USP12: variants seen among roughly 807,000 people sequenced by gnomAD.
USP12 encodes the protein ubiquitin specific peptidase 12, also known as ubiquitin carboxyl-terminal hydrolase 12.
Under a neutral mutation model 45.5 loss-of-function variants are expected in USP12, and 19 were observed. The observed-to-expected ratio is 0.42, with a 90% confidence interval of 0.29 to 0.61. USP12 has a LOEUF of 0.61. USP12 is among the 20% of genes least tolerant of loss of function. USP12 has a pLI of 0.22. For missense variants in USP12, 242 were observed against 447.7 expected, an observed-to-expected ratio of 0.54 and a Z score of 4.15; for synonymous variants, 149 against 148.8, an observed-to-expected ratio of 1.00 and a Z score of -0.01.
At position 27,129,205 on chromosome 13, in the gene USP12, AATATT is replaced by A. The variant is rs1346153128; in HGVS notation, c.49-12614_49-12610del. Among the ~76,000 whole-genome samples the A allele has an allele frequency of 1.3e-5, 2 of 149,722 alleles. No individual in the cohort carries two copies. The highest frequency in any genetic ancestry group is 4.9e-5 in the African/African-American group (2 of 41,056). On this transcript the variant is annotated intron_variant, in intron 1 of 8. Coordinates refer to ENST00000282344, the MANE Select transcript of USP12 (RefSeq NM_182488.4). This position sits in a 1 kb window ranked among gnomAD's most constrained non-coding sequence, Gnocchi z 4.0. The stretch of plus-strand genomic sequence containing the variant: ...CTTTCCGTGTCACTGAGACAACAGG[AATATT>A]ATATTAAACCACAGTTAAGTGGAAA...
At chr13:27,170,728 C>T (rs1003343775) in intron 1 of USP12, among the ~76,000 whole-genome samples, 16 of 152,214 alleles carry the variant, frequency 1.1e-4, no homozygotes, top group South Asian at 2.1e-4. Flanking sequence ...GCAGGCGGTC[C>T]CCGCACAGAC....
At chr13:27,142,206 A>G (rs1016055528) in intron 1 of USP12, among the ~76,000 whole-genome samples, 2 of 152,216 alleles carry the variant, frequency 1.3e-5, no homozygotes, top group African/African-American at 4.8e-5. Flanking sequence ...GGTCTGCTAA[A>G]AAATGTATAA....
chr13:27,139,707 A>G (rs1876971646), intron 1 of USP12, among the ~76,000 whole-genome samples: 1 of 152,194 alleles, frequency 6.6e-6, no homozygotes, highest in African/African-American at 2.4e-5. Context: ...CCCACCCTAA[A>G]TTCTTTCATG....
chr13:27,134,978 C>G (rs1212276435), intron 1 of USP12, among the ~76,000 whole-genome samples: 3 of 152,116 alleles, frequency 2.0e-5, no homozygotes, highest in Admixed American at 6.5e-5. Context: ...ATGAACAGTT[C>G]AAATAAAAAT....
intron 7 of USP12, among the ~76,000 whole-genome samples, chr13:27,073,290 G>A (rs1397207915): frequency 6.6e-6 from 1 of 152,164 alleles, no homozygotes; most frequent in East Asian, 1.9e-4. Flanking sequence ...AGACCACCAG[G>A]GCTGTGAGGA....
chr13:27,105,355 T>G (rs751654676), intron 3 of USP12, among the ~76,000 whole-genome samples: 8 of 151,912 alleles, frequency 5.3e-5, no homozygotes, highest in Non-Finnish European at 1.0e-4. Flanking sequence ...ACTGCAAGGA[T>G]CCAATGAGTT....
At chr13:27,103,711 T>G (rs1372669649) in intron 3 of USP12, among the ~76,000 whole-genome samples, 2 of 129,540 alleles carry the variant, frequency 1.5e-5, no homozygotes, top group Non-Finnish European at 3.1e-5. Context: ...AGTTCAAGAC[T>G]AGTCTGGGCA....
chr13:27,132,572 G>A (rs1358138815), intron 1 of USP12, among the ~76,000 whole-genome samples: 3 of 152,136 alleles, frequency 2.0e-5, no homozygotes, highest in African/African-American at 4.8e-5. Flanking sequence ...TTGGCTGTAC[G>A]GCTTTGTGAA....
rs186199948 is a variant in USP12, at chr13:27,117,569, C to T, written c.49-973G>A. 1.3e-3 allele frequency among the ~76,000 whole-genome samples: 195 copies of T among 151,618 alleles called. 1 individual carries two copies. The highest frequency in any genetic ancestry group is 4.5e-3 in the African/African-American group (184 of 41,270). ...CAGAAACATGAGTATCTCAAAAACACAATGTTAAATGAAAAAAAGAAAAAT... is the reference window on the plus strand; with the variant it reads ...CAGAAACATGAGTATCTCAAAAACATAATGTTAAATGAAAAAAAGAAAAAT... On this transcript the variant is annotated intron_variant, in intron 1 of 8. Coordinates refer to ENST00000282344, the MANE Select transcript of USP12 (RefSeq NM_182488.4).
chr13:27,070,412 T>C (rs1026774396), intron 8 of USP12, among the ~76,000 whole-genome samples: 2 of 152,150 alleles, frequency 1.3e-5, no homozygotes, highest in Non-Finnish European at 2.9e-5. Context: ...TGTGTGAGTA[T>C]GGCCATGTGT....
At chr13:27,143,181 ACAT>A (rs1217555580) in intron 1 of USP12, among the ~76,000 whole-genome samples, 1 of 152,218 alleles carries the variant, frequency 6.6e-6, no homozygotes, top group Non-Finnish European at 1.5e-5. Flanking sequence ...AATAATTTTA[ACAT>A]CATCAAAAAG....
At chr13:27,131,273 G>A (rs1253443283) in intron 1 of USP12, among the ~76,000 whole-genome samples, 1 of 152,196 alleles carries the variant, frequency 6.6e-6, no homozygotes, top group African/African-American at 2.4e-5. Flanking sequence ...TGGTGAGAGG[G>A]TGAGCAGTGA....
intron 6 of USP12, among the ~76,000 whole-genome samples, chr13:27,088,193 G>A (rs190167057): frequency 8.7e-4 from 133 of 152,312 alleles, no homozygotes; most frequent in African/African-American, 2.9e-3. Flanking sequence ...GGCCGAGGCA[G>A]GCGGATCACG....
At chr13:27,085,762 T>C (rs925463791) in intron 6 of USP12, among the ~76,000 whole-genome samples, 15 of 152,078 alleles carry the variant, frequency 9.9e-5, no homozygotes, top group African/African-American at 3.6e-4. Flanking sequence ...TATGTGTATA[T>C]ACACACAAAA....
intron 3 of USP12, among the ~76,000 whole-genome samples, chr13:27,097,087 T>C (rs1383047297): frequency 6.7e-6 from 1 of 149,260 alleles, no homozygotes; most frequent in African/African-American, 2.5e-5. Context: ...GACAATCTTA[T>C]AAATGGCAAT....
intron 3 of USP12, among the ~76,000 whole-genome samples, chr13:27,102,597 T>A (rs1236035246): frequency 6.6e-6 from 1 of 152,258 alleles, no homozygotes; most frequent in Non-Finnish European, 1.5e-5. Flanking sequence ...TTCCTACTGA[T>A]GGTAACATTT....
At chr13:27,097,264 G>A (rs1038384143) in intron 3 of USP12, among the ~76,000 whole-genome samples, 4 of 151,672 alleles carry the variant, frequency 2.6e-5, no homozygotes, top group African/African-American at 9.7e-5. Flanking sequence ...TAAAGAGTTT[G>A]AGACCAGCCT....
At chr13:27,134,560 T>C (rs1366865108) in intron 1 of USP12, among the ~76,000 whole-genome samples, 4 of 152,058 alleles carry the variant, frequency 2.6e-5, no homozygotes, top group Non-Finnish European at 5.9e-5. Flanking sequence ...TATTACAAAA[T>C]ATACTCTCTC....
intron 1 of USP12, among the ~76,000 whole-genome samples, chr13:27,153,575 C>A (rs549244374): frequency 5.9e-5 from 9 of 152,304 alleles, no homozygotes; most frequent in African/African-American, 2.2e-4. Context: ...ATTAGAGTTA[C>A]AGATCCTTTT....
Sources: allele counts gnomAD v4.1 joint callset (sites outside exome capture counted in the v4.1 genomes callset), GRCh38; gene constraint gnomAD v4.1.1; non-coding constraint Gnocchi (gnomAD v3.1); transcripts MANE v1.5; gene names NCBI Gene and HGNC (gene_info 2026-07-23, HGNC 2026-07-21).